CNOT2: variants seen among roughly 807,000 people sequenced by gnomAD.
The protein encoded by CNOT2 is CC chemokine receptor 4-negative regulator of transcription 2.
CNOT2 carries 7 observed loss-of-function variants against 72.1 expected under a neutral mutation model. The observed-to-expected ratio is 0.10, with a 90% confidence interval of 0.06 to 0.18. The LOEUF is 0.18. CNOT2 is among the 10% of genes least tolerant of loss of function. CNOT2 has a pLI of 1.00. For synonymous variants in CNOT2, 196 were observed against 225.6 expected (o/e 0.87, Z 1.17); for missense variants, 345 against 660.3 (o/e 0.52, Z 5.23).
At chr12:70,298,079 C>T (rs971925053) in intron 2 of CNOT2, among the ~76,000 whole-genome samples, 1 of 152,120 alleles carries the variant, frequency 6.6e-6, no homozygotes, top group South Asian at 2.1e-4. Flanking sequence ...TTCTTTTAAG[C>T]ATAACTTCAT....
intron 1 of CNOT2, among the ~76,000 whole-genome samples, chr12:70,260,851 C>CTTT (rs1179998142): frequency 1.5e-3 from 189 of 127,162 alleles, no homozygotes; most frequent in African/African-American, 5.1e-3. Context: ...CAGATGCATT[C>CTTT]TATTTTTTTT....
At chr12:70,269,176 A>C (rs1030352454) in intron 1 of CNOT2, among the ~76,000 whole-genome samples, 3 of 152,064 alleles carry the variant, frequency 2.0e-5, no homozygotes, top group African/African-American at 7.2e-5. Flanking sequence ...TCACTCTGTC[A>C]CTAATTAGCT....
At chr12:70,253,874 C>G (rs1958278143) in intron 1 of CNOT2, among the ~76,000 whole-genome samples, 1 of 152,100 alleles carries the variant, frequency 6.6e-6, no homozygotes, top group South Asian at 2.1e-4. Context: ...ACTGTTCCCC[C>G]CTATACATAC....
intron 5 of CNOT2, 134 bp downstream of exon 5, chr12:70,329,704 G>A (rs1397073703): frequency 1.5e-6 from 1 of 663,744 alleles, no homozygotes; most frequent in African/African-American, 1.8e-5. Context: ...AAATACCTAT[G>A]CTCTTTTTAT....
chr12:70,285,642 C>T (rs1170502610), intron 2 of CNOT2: 2 of 151,644 alleles, frequency 1.3e-5, no homozygotes, highest in Non-Finnish European at 2.9e-5. Context: ...AAAAATAGAA[C>T]CAGCTAGACA....
At chr12:70,284,768 C>G (rs1209784968) in intron 2 of CNOT2, among the ~76,000 whole-genome samples, 5 of 152,094 alleles carry the variant, frequency 3.3e-5, no homozygotes, top group Admixed American at 3.3e-4. Context: ...CATCTGAAAT[C>G]ATCAAATAAG....
chr12:70,262,717 A>G (rs1389322656), intron 1 of CNOT2, among the ~76,000 whole-genome samples: 5 of 151,734 alleles, frequency 3.3e-5, no homozygotes, highest in Non-Finnish European at 5.9e-5. Flanking sequence ...TCTGTTACCC[A>G]GGCTGGAGTG....
chr12:70,263,403 C>G (rs1958871895), intron 1 of CNOT2, among the ~76,000 whole-genome samples: 1 of 151,270 alleles, frequency 6.6e-6, no homozygotes, highest in South Asian at 2.1e-4. Flanking sequence ...ATTAATTTTT[C>G]TCTGAATTGC....
chr12:70,296,260 C>G (rs1872775038), intron 2 of CNOT2, among the ~76,000 whole-genome samples: 1 of 152,020 alleles, frequency 6.6e-6, no homozygotes, highest in African/African-American at 2.4e-5. Context: ...TTGGAAAGGA[C>G]TCTGCCAGGA....
At chr12:70,283,116 C>T (rs1870162237) in intron 2 of CNOT2, among the ~76,000 whole-genome samples, 1 of 151,982 alleles carries the variant, frequency 6.6e-6, no homozygotes. Context: ...AAGTGTATTT[C>T]CTTTCTTTTA....
intron 11 of CNOT2, chr12:70,341,887 G>A (rs1475678346): frequency 5.1e-6 from 3 of 588,790 alleles, no homozygotes; most frequent in Non-Finnish European, 9.1e-6. Flanking sequence ...TATTTATACT[G>A]TATTGCAAGA....
intron 1 of CNOT2, among the ~76,000 whole-genome samples, chr12:70,257,659 G>T (rs762978864): frequency 6.6e-6 from 1 of 151,844 alleles, no homozygotes; most frequent in Admixed American, 6.6e-5. Context: ...GAGCCACCGC[G>T]CCCGGCCCCA....
chr12:70,271,966 G>A (rs1236732403), intron 1 of CNOT2, among the ~76,000 whole-genome samples: 1 of 152,136 alleles, frequency 6.6e-6, no homozygotes, highest in African/African-American at 2.4e-5. Context: ...TCAAAAGCTT[G>A]TCCTACGTCA....
chr12:70,308,583 C>CTCTG (rs1875879526), intron 2 of CNOT2, among the ~76,000 whole-genome samples: 2 of 142,738 alleles, frequency 1.4e-5, no homozygotes, highest in Non-Finnish European at 3.0e-5. Context: ...CTCTCTCTCT[C>CTCTG]TCACACACAC....
chr12:70,318,051 A>T (rs1054895782), intron 3 of CNOT2, among the ~76,000 whole-genome samples: 1 of 151,960 alleles, frequency 6.6e-6, no homozygotes, highest in Non-Finnish European at 1.5e-5. Context: ...TCAACAGGAC[A>T]TAAAATAACT....
In CNOT2 at chr12:70,346,344, C is replaced by T. The variant is rs557350696; in HGVS notation, c.1536+20C>T. 1 of 1,595,258 alleles carries T rather than the reference C, an allele frequency of 6.3e-7. No individual in the cohort carries two copies. Among genetic ancestry groups the T allele is most frequent in the African/African-American group, 1.3e-5 (1 of 74,568 alleles). The stretch of plus-strand genomic sequence containing the variant: ...GCTAAGGTATATTTCTTTCCATGTG[C>T]AAATGTATAAATCTAAACTTGAAAA... On this transcript the variant is annotated intron_variant, in intron 15 of 15. Coordinates refer to ENST00000229195, the MANE Select transcript of CNOT2 (RefSeq NM_014515.7).
chr12:70,248,886 G>C (rs1011670862), intron 1 of CNOT2, among the ~76,000 whole-genome samples: 5 of 152,062 alleles, frequency 3.3e-5, no homozygotes, highest in African/African-American at 1.2e-4. Context: ...TTATACGTGA[G>C]TAGATGAAAA....
chr12:70,352,344 T>G (rs1882974832), intron 15 of CNOT2, among the ~76,000 whole-genome samples: 1 of 152,152 alleles, frequency 6.6e-6, no homozygotes, highest in Non-Finnish European at 1.5e-5. Context: ...ATTACAAAGA[T>G]TAGAATAAAA....
chr12:70,256,126 C>G (rs1319727815), intron 1 of CNOT2, among the ~76,000 whole-genome samples: 2 of 152,092 alleles, frequency 1.3e-5, no homozygotes, highest in Admixed American at 1.3e-4. Context: ...AATTTATATC[C>G]TAAGCTTTAT....
Sources: gnomAD v4.1 joint callset for allele counts (sites outside exome capture counted in the v4.1 genomes callset) on GRCh38, gnomAD v4.1.1 for gene constraint, MANE v1.5 for transcripts, NCBI Gene and HGNC (gene_info 2026-07-23, HGNC 2026-07-21) for gene names.